OR2T6: variants seen among roughly 807,000 people sequenced by gnomAD.
OR2T6 encodes the protein olfactory receptor 2T6.
For synonymous variants in OR2T6, 174 were observed against 148.0 expected (o/e 1.18, Z -1.27); for missense variants, 424 against 391.6 (o/e 1.08, Z -0.70).
At chr1:248,377,613 A>G (rs528449489) in intron 1 of OR2T6, among the ~76,000 whole-genome samples, 1 of 152,238 alleles carries the variant, frequency 6.6e-6, no homozygotes, top group African/African-American at 2.4e-5. Context: ...GAAAGACTCA[A>G]GATGTCTTCA....
intron 2 of OR2T6, among the ~76,000 whole-genome samples, chr1:248,385,622 G>T (rs1661124222): frequency 6.6e-6 from 1 of 152,178 alleles, no homozygotes; most frequent in African/African-American, 2.4e-5. Flanking sequence ...TAACTCACAA[G>T]ACAATGCACA....
chr1:248,384,142 T>G (rs1477004103), intron 1 of OR2T6, among the ~76,000 whole-genome samples: 7 of 47,664 alleles, frequency 1.5e-4, no homozygotes, highest in Admixed American at 2.1e-4. Context: ...TTGTCATGGG[T>G]AAAGCACTGC....
At chr1:248,384,378 CTA>C (rs1661096562) in intron 1 of OR2T6, among the ~76,000 whole-genome samples, 2 of 102,872 alleles carry the variant, frequency 1.9e-5, no homozygotes, top group African/African-American at 1.3e-4. Flanking sequence ...TGTGCTCATC[CTA>C]TCCTGGTGTG....
Position 248,387,898 on chromosome 1 carries a change from G to C in OR2T6, c.290G>C (p.Cys97Ser). The change falls in exon 3 of 3, where the codon TGC becomes TCC. Residue 97 changes from cysteine (C) to serine (S), a missense_variant. Cys to Ser is a moderately radical substitution (Grantham distance 112). Transcript: ENST00000641644. ...GAGGGGACCATCTCTTTCATCGCCT[G>C]CACTGCTCAGTGCTTTCTCTACATG... ...MGEGTISFIA[C>S]TAQCFLYMGF... 6.2e-7 allele frequency: 1 copy of C among 1,600,894 alleles called. No homozygotes were observed. Among genetic ancestry groups the C allele is most frequent in the Non-Finnish European group, 8.5e-7 (1 of 1,172,714 alleles).
intron 1 of OR2T6, among the ~76,000 whole-genome samples, chr1:248,381,142 A>G (rs1398625479): frequency 6.6e-6 from 1 of 151,860 alleles, no homozygotes; most frequent in Non-Finnish European, 1.5e-5. Context: ...ATTTTAAACC[A>G]TTTTAATAGA....
chr1:248,384,564 A>C (rs1310123602), intron 1 of OR2T6, 147 bp from the exon 2 acceptor site: 2 of 134,920 alleles, frequency 1.5e-5, no homozygotes, highest in East Asian at 5.2e-4. Flanking sequence ...GCACTGCACT[A>C]GCCTGAGTGT....
At chr1:248,379,072 G>T in intron 1 of OR2T6, among the ~76,000 whole-genome samples, 1 of 152,148 alleles carries the variant, frequency 6.6e-6, no homozygotes, top group Non-Finnish European at 1.5e-5. Flanking sequence ...CTACGCAGGA[G>T]GCTGAGGTAG....
chr1:248,379,084 A>T (rs977718855), intron 1 of OR2T6, among the ~76,000 whole-genome samples: 1 of 152,184 alleles, frequency 6.6e-6, no homozygotes, highest in Non-Finnish European at 1.5e-5. Flanking sequence ...CTGAGGTAGG[A>T]CAATTGCTTG....
chr1:248,380,556 A>G (rs1322527562), intron 1 of OR2T6, among the ~76,000 whole-genome samples: 1 of 151,954 alleles, frequency 6.6e-6, no homozygotes, highest in South Asian at 2.1e-4. Context: ...ATCTTTATTA[A>G]CATCACATAT....
chr1:248,386,837 G>A (rs1312312604), intron 2 of OR2T6, among the ~76,000 whole-genome samples: 1 of 152,178 alleles, frequency 6.6e-6, no homozygotes, highest in African/African-American at 2.4e-5. Flanking sequence ...TTCATTGTCT[G>A]TGTTGAAGTT....
intron 2 of OR2T6, among the ~76,000 whole-genome samples, chr1:248,387,347 A>T (rs1661151014): frequency 6.6e-6 from 1 of 151,922 alleles, no homozygotes; most frequent in Non-Finnish European, 1.5e-5. Flanking sequence ...TCATAATGAA[A>T]CTCCCTTAAG....
chr1:248,385,585 A>C (rs116104595), intron 2 of OR2T6, among the ~76,000 whole-genome samples: 6,419 of 152,268 alleles, frequency 0.042, 470 homozygotes, highest in African/African-American at 0.15. Flanking sequence ...GATCAGGAAG[A>C]ATGTTCTGAG....
At chr1:248,383,053 A>G (rs530151917) in intron 1 of OR2T6, among the ~76,000 whole-genome samples, 9,967 of 143,984 alleles carry the variant, frequency 0.069, 1,018 homozygotes, top group African/African-American at 0.26. Context: ...ATCATCATGG[A>G]GAAAGCACTG....
chr1:248,383,987 CT>C (rs1661086955), intron 1 of OR2T6, among the ~76,000 whole-genome samples: 2 of 60,778 alleles, frequency 3.3e-5, no homozygotes, highest in Non-Finnish European at 6.1e-5. Flanking sequence ...GAAGTGTTTC[CT>C]AGTGTTATCA....
chr1:248,389,990 A>G lies in OR2T6; in HGVS notation c.*1455A>G, dbSNP rs1001577032. 2 of 152,184 alleles carry G rather than the reference A, an allele frequency of 1.3e-5. No individual in the cohort carries two copies. The highest frequency in any genetic ancestry group is 4.8e-5 in the African/African-American group (2 of 41,438). The allele number at this position is 152,184 out of a possible 1,614,324, so 9.4% of individuals were successfully genotyped here. On this transcript the variant is annotated 3_prime_UTR_variant, in exon 3 of 3. Transcript: ENST00000641644. Reference sequence around the variant, plus strand: ...TCATCACCAGTGACTGCAAGATGGCATCAGTTAACATGGCTATTTCGAGCT... The same window carrying G: ...TCATCACCAGTGACTGCAAGATGGCGTCAGTTAACATGGCTATTTCGAGCT...
Position 248,387,834 on chromosome 1 carries a change from A to G in OR2T6, c.226A>G (p.Thr76Ala), listed in dbSNP as rs1661169186. 1 of 1,602,888 alleles carries G rather than the reference A, an allele frequency of 6.2e-7. No individual in the cohort carries two copies. The highest frequency in any genetic ancestry group is 1.7e-5 in the Admixed American group (1 of 59,564). The change falls in exon 3 of 3, where the codon ACC becomes GCC. Residue 76 changes from threonine to alanine, a missense_variant. Coordinates refer to ENST00000641644, the MANE Select transcript of OR2T6 (RefSeq NM_001005471.2). ...LSVIDTLYIS[T>A]IVPKMLVDYL... Reference sequence around the variant, plus strand: ...CGTCATTGACACATTATACATCTCCACCATTGTGCCCAAGATGCTGGTAGA... The same window carrying G: ...CGTCATTGACACATTATACATCTCCGCCATTGTGCCCAAGATGCTGGTAGA...
intron 2 of OR2T6, among the ~76,000 whole-genome samples, chr1:248,385,576 A>T (rs1041921931): frequency 1.3e-5 from 2 of 152,206 alleles, no homozygotes; most frequent in Admixed American, 1.3e-4. Context: ...TATTTGCATG[A>T]TCAGGAAGAA....
chr1:248,376,752 C>T (rs778425393), intron 1 of OR2T6, among the ~76,000 whole-genome samples: 1 of 151,968 alleles, frequency 6.6e-6, no homozygotes, highest in Non-Finnish European at 1.5e-5. Context: ...TGTAAATGAT[C>T]CCATCATACA....
chr1:248,386,960 T>TAC (rs1212456526), intron 2 of OR2T6, among the ~76,000 whole-genome samples: 2 of 152,218 alleles, frequency 1.3e-5, no homozygotes, highest in Non-Finnish European at 2.9e-5. Context: ...TTTTATTTAC[T>TAC]ACAGTATCCC....
Sources: gnomAD v4.1 joint callset for allele counts (sites outside exome capture counted in the v4.1 genomes callset) on GRCh38, gnomAD v4.1.1 for gene constraint, MANE v1.5 for transcripts, NCBI Gene and HGNC (gene_info 2026-07-23, HGNC 2026-07-21) for gene names.